The following PUDP variants were observed in gnomAD, a reference collection of about 807,000 sequenced individuals.
PUDP encodes the protein pseudouridine 5'-phosphatase.
In PUDP, 8 loss-of-function variants were observed where a neutral mutation model predicts 9.4. The ratio of observed to expected loss-of-function variants is 0.85; its 90% CI spans 0.50 to 1.53. The LOEUF (loss-of-function observed/expected upper bound fraction) is 1.53, where lower values mean the gene tolerates loss of function less well. PUDP is among the 40% of genes most tolerant of loss of function. The pLI is 0.00. For synonymous variants in PUDP, 99 were observed against 80.7 expected, an observed-to-expected ratio of 1.23 and a Z score of -1.22; for missense variants, 188 against 189.7, an observed-to-expected ratio of 0.99 and a Z score of 0.05.
At chrX:6,996,023 A>G (rs1929245426) in intron 1 of PUDP, among the ~76,000 whole-genome samples, 1 of 109,991 alleles carries the variant, frequency 9.1e-6, no homozygotes, top group African/African-American at 3.3e-5. Flanking sequence ...CTGATTCCCA[A>G]TACAATACTC....
intron 2 of PUDP, among the ~76,000 whole-genome samples, chrX:7,079,055 A>G (rs999817257): frequency 1.8e-5 from 2 of 112,212 alleles, no homozygotes; most frequent in Non-Finnish European, 3.8e-5. Flanking sequence ...AAGAAAAACA[A>G]AAGACCCAAC....
At chrX:6,734,728 C>T (rs1924853387) in intron 3 of PUDP, among the ~76,000 whole-genome samples, 1 of 111,799 alleles carries the variant, frequency 8.9e-6, no homozygotes, top group Non-Finnish European at 1.9e-5. Context: ...CACCCTGCTA[C>T]ACAGTGAGAC....
intron 3 of PUDP, among the ~76,000 whole-genome samples, chrX:7,051,909 G>A (rs748891924): frequency 8.9e-6 from 1 of 112,529 alleles, no homozygotes; most frequent in South Asian, 3.7e-4. Flanking sequence ...TCGCCATGGC[G>A]ACCTATGCTG....
At chrX:6,908,915 C>A (rs758951097) in intron 3 of PUDP, among the ~76,000 whole-genome samples, 1 of 111,530 alleles carries the variant, frequency 9.0e-6, no homozygotes, top group Non-Finnish European at 1.9e-5. Context: ...CACCAGAAGC[C>A]GATAGCTGTA....
At position 7,049,983 on chromosome X, in the gene PUDP, G is replaced by GGT; in HGVS notation, c.*311_*312dup. 2 of 242,426 alleles carry GGT rather than the reference G, an allele frequency of 8.2e-6. No individual in the cohort carries two copies. The highest frequency in any genetic ancestry group is 1.5e-5 in the Non-Finnish European group (2 of 135,675). 20.0% of individuals were successfully genotyped at this position (242,426 alleles called of 1,213,427 possible). ...ACTGATACACACATGTATATATGGA[G>GGT]GTGTGTGTGTATATACATGTACATT... On this transcript the variant is annotated 3_prime_UTR_variant, in exon 4 of 4. Coordinates refer to ENST00000381077, the MANE Select transcript of PUDP (RefSeq NM_012080.5).
chrX:6,979,491 C>A (rs1434352189), intron 1 of PUDP, among the ~76,000 whole-genome samples: 1 of 111,862 alleles, frequency 8.9e-6, no homozygotes, highest in African/African-American at 3.2e-5. Flanking sequence ...GAAATAAAGA[C>A]AATAGCATAA....
At chrX:6,828,695 C>T (rs1280408508) in intron 3 of PUDP, among the ~76,000 whole-genome samples, 1 of 111,386 alleles carries the variant, frequency 9.0e-6, no homozygotes, top group Non-Finnish European at 1.9e-5. Context: ...ATCCTCTGTT[C>T]TCTGCATATT....
intron 3 of PUDP, among the ~76,000 whole-genome samples, chrX:6,945,430 T>C (rs112862782): frequency 0.013 from 1,433 of 112,062 alleles, 16 homozygotes; most frequent in African/African-American, 0.041. Context: ...TTTCTGTATA[T>C]GCTTTAAAAT....
At chrX:7,079,360 C>A (rs1049024173) in intron 2 of PUDP, among the ~76,000 whole-genome samples, 1 of 112,410 alleles carries the variant, frequency 8.9e-6, no homozygotes, top group African/African-American at 3.2e-5. Context: ...TGGAGAAACA[C>A]AAACGTAGAA....
At chrX:6,884,246 T>A (rs968308579) in intron 3 of PUDP, among the ~76,000 whole-genome samples, 1 of 112,140 alleles carries the variant, frequency 8.9e-6, no homozygotes, top group Non-Finnish European at 1.9e-5. Context: ...GCACTTGGCA[T>A]GATTCCATCT....
chrX:7,052,906 C>T (rs142737130), intron 3 of PUDP, among the ~76,000 whole-genome samples: 4,488 of 111,565 alleles, frequency 0.04, 212 homozygotes, highest in African/African-American at 0.14. Context: ...CCGTAGGACG[C>T]GAGAAGAAAT....
chrX:7,130,342 G>A (rs1372999330), intron 1 of PUDP, among the ~76,000 whole-genome samples: 1 of 106,458 alleles, frequency 9.4e-6, no homozygotes, highest in East Asian at 3.0e-4. Context: ...ATCCAGAGCT[G>A]CTCCCTTTGT....
chrX:6,985,054 C>T (rs1452252374), intron 1 of PUDP, among the ~76,000 whole-genome samples: 1 of 111,551 alleles, frequency 9.0e-6, no homozygotes, highest in Non-Finnish European at 1.9e-5. Context: ...CCGGCTGTTC[C>T]CACACCAAAC....
chrX:6,841,606 C>A (rs1390721281), intron 3 of PUDP, among the ~76,000 whole-genome samples: 2 of 109,421 alleles, frequency 1.8e-5, no homozygotes, highest in Non-Finnish European at 3.8e-5. Flanking sequence ...CCCTCTCTCT[C>A]AAAAAAAATG....
intron 3 of PUDP, among the ~76,000 whole-genome samples, chrX:6,803,322 T>A: frequency 9.0e-6 from 1 of 110,604 alleles, no homozygotes; most frequent in Non-Finnish European, 1.9e-5. Flanking sequence ...GAAAGCTACA[T>A]TGGAAGAGGA....
chrX:6,707,451 T>C (rs928874916), intron 1 of PUDP, among the ~76,000 whole-genome samples: 3 of 111,946 alleles, frequency 2.7e-5, no homozygotes, highest in Non-Finnish European at 5.6e-5. Context: ...ATACAACTTA[T>C]CATCATGTAT....
At position 6,981,495 on chromosome X, in the gene PUDP, TA is replaced by T. The variant is rs763416216; in HGVS notation, c.205-3153del. On this transcript the variant is annotated intron_variant and NMD_transcript_variant, in intron 1 of 3. Coordinates refer to the PUDP transcript ENST00000655425. ...AGCATTTTTAGTGCCATTGTTAGTA[TA>T]AAAAAAAATTAAAAGTTTCATCAGA... Among the ~76,000 whole-genome samples the T allele has an allele frequency of 1.6e-3, 173 of 110,804 alleles. 2 individuals carry two copies. In the South Asian group the frequency reaches 0.055, roughly 35 times the overall value.
chrX:6,966,967 C>T (rs1443164282), intron 3 of PUDP, among the ~76,000 whole-genome samples: 5 of 111,810 alleles, frequency 4.5e-5, no homozygotes, highest in Non-Finnish European at 9.4e-5. Flanking sequence ...GAAGCTGATT[C>T]CCGGTTGGAG....
intron 2 of PUDP, chrX:7,085,408 C>T (rs1931233054): frequency 8.9e-6 from 1 of 112,165 alleles, no homozygotes; most frequent in African/African-American, 3.2e-5. Context: ...CACGAGCCTT[C>T]GGTCATCAAT....
Sources: allele counts gnomAD v4.1 joint callset (sites outside exome capture counted in the v4.1 genomes callset), GRCh38; gene constraint gnomAD v4.1.1; transcripts MANE v1.5; gene names NCBI Gene and HGNC (gene_info 2026-07-23, HGNC 2026-07-21).